COL11A1: variants seen among roughly 807,000 people sequenced by gnomAD.
The protein encoded by COL11A1 is collagen alpha-1(XI) chain.
A neutral mutation model predicts 265.2 loss-of-function variants in COL11A1; 74 were observed. The observed-to-expected ratio is 0.28, with a 90% CI of 0.23 to 0.34. The LOEUF (loss-of-function observed/expected upper bound fraction) is 0.34. COL11A1 is among the 10% of genes least tolerant of loss of function. The pLI is 1.00. For synonymous variants in COL11A1, 816 were observed against 727.6 expected, an observed-to-expected ratio of 1.12 and a Z score of -1.96; for missense variants, 2,165 against 2,263.6, an observed-to-expected ratio of 0.96 and a Z score of 0.88.
intron 62 of COL11A1, among the ~76,000 whole-genome samples, chr1:102,887,908 G>A (rs1217696768): frequency 2.0e-5 from 3 of 152,062 alleles, no homozygotes; most frequent in South Asian, 2.1e-4. Flanking sequence ...AGACCCTTCC[G>A]CCATGGACCT....
intron 1 of COL11A1, among the ~76,000 whole-genome samples, chr1:103,107,704 C>CTTCTAAA (rs1239135452): frequency 2.6e-5 from 4 of 152,086 alleles, no homozygotes; most frequent in Non-Finnish European, 5.9e-5. Flanking sequence ...CAGATGTGTT[C>CTTCTAAA]CAAGGGCAGT....
intron 57 of COL11A1, 108 bp downstream of exon 57, chr1:102,898,017 G>GA: frequency 1.7e-6 from 1 of 591,764 alleles, no homozygotes; most frequent in African/African-American, 2.0e-5. Flanking sequence ...TGGACTATTA[G>GA]AAAAAATACA....
At chr1:102,979,357 T>C (rs1662815000) in intron 32 of COL11A1, 25 bp downstream of exon 32, 1 of 1,576,018 alleles carries the variant, frequency 6.3e-7, no homozygotes, top group South Asian at 1.1e-5. Context: ...ATATACATAG[T>C]TCAAAACATA....
intron 21 of COL11A1, 96 bp from the exon 22 acceptor site, chr1:103,002,887 C>T (rs1570999084): frequency 1.8e-6 from 2 of 1,121,226 alleles, no homozygotes; most frequent in South Asian, 1.3e-5. Context: ...ATTCACTACC[C>T]TAAGCAACTA....
At chr1:102,951,937 A>G (rs1186652389) in intron 41 of COL11A1, among the ~76,000 whole-genome samples, 5 of 152,120 alleles carry the variant, frequency 3.3e-5, no homozygotes, top group Non-Finnish European at 7.3e-5. Context: ...ATATGAAAGT[A>G]AGCCATGGCT....
chr1:102,919,679 A>G (rs917035057), intron 49 of COL11A1, among the ~76,000 whole-genome samples: 4 of 152,028 alleles, frequency 2.6e-5, no homozygotes, highest in Admixed American at 6.6e-5. Flanking sequence ...TCAATGAATC[A>G]TTTTGACATT....
chr1:102,884,623 C>A (rs1432605153), intron 63 of COL11A1: 1 of 152,240 alleles, frequency 6.6e-6, no homozygotes, highest in East Asian at 1.9e-4. Flanking sequence ...TGAGCATGCG[C>A]ACAGCTCCAG....
chr1:103,097,479 C>T (rs959522849), intron 1 of COL11A1, among the ~76,000 whole-genome samples: 2 of 149,910 alleles, frequency 1.3e-5, no homozygotes, highest in African/African-American at 5.1e-5. Flanking sequence ...TTTTCTTCGA[C>T]TTTACTAAAC....
intron 1 of COL11A1, among the ~76,000 whole-genome samples, chr1:103,089,983 G>A (rs149185610): frequency 0.021 from 3,221 of 152,104 alleles, 129 homozygotes; most frequent in African/African-American, 0.074. Flanking sequence ...AATTAGCCTG[G>A]CATGGTGGCA....
intron 9 of COL11A1, among the ~76,000 whole-genome samples, 192 bp downstream of exon 9, chr1:103,021,515 T>C (rs954415487): frequency 6.6e-6 from 1 of 152,198 alleles, no homozygotes; most frequent in African/African-American, 2.4e-5. Flanking sequence ...TCTGCAGCTC[T>C]ATAATGTTTT....
intron 54 of COL11A1, among the ~76,000 whole-genome samples, chr1:102,904,550 A>C (rs1179836530): frequency 2.6e-5 from 4 of 152,082 alleles, no homozygotes; most frequent in Non-Finnish European, 5.9e-5. Flanking sequence ...CAACCCCATC[A>C]AAAAGTGGGT....
Position 102,939,088 on chromosome 1 carries a change from C to T in COL11A1, c.3385G>A (p.Gly1129Ser), listed in dbSNP as rs1053714743. ...AGSPGEDGDK[G>S]EIGEPGQKGS... is the part of the protein sequence containing the mutation. Reference sequence around the variant, plus strand: ...TTTTGTCCCGGCTCACCAATTTCACCCTGAAATTGAAAGATTTGACTTAGA... The same window carrying T: ...TTTTGTCCCGGCTCACCAATTTCACTCTGAAATTGAAAGATTTGACTTAGA... Residue 1129 changes from glycine to serine, a missense_variant and splice_region_variant, in exon 44 of 67, where the codon GGT becomes AGT. Transcript: ENST00000370096. 7 of 1,612,902 alleles carry T rather than the reference C, an allele frequency of 4.3e-6. No individual in the cohort carries two copies. The highest frequency in any genetic ancestry group is 5.9e-6 in the Non-Finnish European group (7 of 1,179,250).
At chr1:103,065,522 C>CAAAAAAAAAAAAAAAAAAAAAAA (rs138446065) in intron 4 of COL11A1, among the ~76,000 whole-genome samples, 1 of 35,358 alleles carries the variant, frequency 2.8e-5, no homozygotes, top group African/African-American at 1.4e-4. Flanking sequence ...GACTCCGTCT[C>CAAAAAAAAAAAAAAAAAAAAAAA]AAAAAAAAAA....
rs577231073 is a variant in COL11A1, at chr1:103,015,295, T to C, written c.1488+373A>G. 1.4e-4 allele frequency among the ~76,000 whole-genome samples: 21 copies of C among 152,056 alleles called. No homozygotes were observed. The South Asian group carries it at 3.5e-3, about 25-fold the overall frequency. ...CAAATAATTTTTGAGCAATGAATAA[T>C]AACACTACAAATAAATACTATTTAT... On this transcript the variant is annotated intron_variant, in intron 12 of 66. Coordinates refer to ENST00000370096, the MANE Select transcript of COL11A1 (RefSeq NM_001854.4).
chr1:103,033,470 A>T (rs1668137101), intron 4 of COL11A1, among the ~76,000 whole-genome samples: 1 of 152,036 alleles, frequency 6.6e-6, no homozygotes, highest in South Asian at 2.1e-4. Flanking sequence ...TACTAACTTC[A>T]TGTCAATCCT....
At chr1:102,964,648 A>G (rs1661237465) in intron 38 of COL11A1, among the ~76,000 whole-genome samples, 1 of 150,454 alleles carries the variant, frequency 6.6e-6, no homozygotes, top group Admixed American at 6.7e-5. Flanking sequence ...CCGTGTGCGC[A>G]TGTGTGTGTG....
intron 43 of COL11A1, among the ~76,000 whole-genome samples, chr1:102,939,812 T>G (rs1489163912): frequency 2.0e-5 from 3 of 152,206 alleles, no homozygotes; most frequent in Admixed American, 1.3e-4. Context: ...GTTTAAAAAT[T>G]TTTAAATAAT....
chr1:103,092,472 C>G (rs1242384455), intron 1 of COL11A1, among the ~76,000 whole-genome samples: 1 of 152,094 alleles, frequency 6.6e-6, no homozygotes, highest in Non-Finnish European at 1.5e-5. Context: ...CACACAAACA[C>G]AGATCATACA....
intron 66 of COL11A1, among the ~76,000 whole-genome samples, chr1:102,878,475 CATAT>C (rs57574729): frequency 0.024 from 1,186 of 49,854 alleles, 46 homozygotes; most frequent in African/African-American, 0.063. Context: ...ATTGAATCCT[CATAT>C]ATATATATAT....
Sources: allele counts gnomAD v4.1 joint callset (sites outside exome capture counted in the v4.1 genomes callset), GRCh38; gene constraint gnomAD v4.1.1; transcripts MANE v1.5; gene names NCBI Gene and HGNC (gene_info 2026-07-23, HGNC 2026-07-21).